Variants in GSG1L observed in about 807,000 individuals in gnomAD.
GSG1L encodes GSG1 like.
Under a neutral mutation model 42.1 loss-of-function variants are expected in GSG1L, and 24 were observed. The ratio of observed to expected loss-of-function variants is 0.57; its 90% CI spans 0.41 to 0.80. GSG1L has a LOEUF of 0.80. Among genes scored for constraint, GSG1L ranks in the 30% least tolerant of loss-of-function variants. GSG1L has a pLI of 0.00. For synonymous variants in GSG1L, 215 were observed against 203.5 expected, an observed-to-expected ratio of 1.06 and a Z score of -0.48; for missense variants, 445 against 472.2, an observed-to-expected ratio of 0.94 and a Z score of 0.53.
At chr16:27,911,646 G>C (rs761178183) in intron 2 of GSG1L, among the ~76,000 whole-genome samples, 3 of 152,060 alleles carry the variant, frequency 2.0e-5, no homozygotes, top group Non-Finnish European at 2.9e-5. Flanking sequence ...TGCACCTGCT[G>C]TTCTGCTGTT....
Position 28,008,655 on chromosome 16 carries a change from G to C in GSG1L, c.350-45452C>G, listed in dbSNP as rs1170773127. Among the ~76,000 whole-genome samples the C allele has an allele frequency of 2.0e-5, 3 of 152,096 alleles. No individual in the cohort carries two copies. In the East Asian group the frequency reaches 5.8e-4, roughly 29 times the overall value. ...ATCACCTCCCTTCCTGCCCACCAAG[G>C]ACTTCTCATCACACTTAGAATGAAA... On this transcript the variant is annotated intron_variant, in intron 1 of 6. Coordinates refer to ENST00000447459, the MANE Select transcript of GSG1L (RefSeq NM_001109763.2).
At chr16:27,947,340 GAAGA>G (rs1030342982) in intron 2 of GSG1L, among the ~76,000 whole-genome samples, 1 of 143,612 alleles carries the variant, frequency 7.0e-6, no homozygotes. Context: ...GAAAAAAGGA[GAAGA>G]AAGAAGAAGA....
chr16:27,975,804 A>G (rs2085244322), intron 1 of GSG1L, among the ~76,000 whole-genome samples: 1 of 152,232 alleles, frequency 6.6e-6, no homozygotes, highest in Non-Finnish European at 1.5e-5. Flanking sequence ...TCCCATCAAC[A>G]TTTATTGAGC....
rs2084278813 is a variant in GSG1L at position 27,902,952 on chromosome 16, A to C, written c.398-18314T>G. Among the ~76,000 whole-genome samples the C allele has an allele frequency of 5.3e-5, 8 of 152,124 alleles. No homozygotes were observed. The South Asian group carries it at 1.7e-3, about 32-fold the overall frequency. ...CAGCTGGGAGGTGGCAGTGGAAGGC[A>C]GCTTTCAGTATGAACCACAGAGACA... On this transcript the variant is annotated intron_variant, in intron 2 of 6. Coordinates refer to ENST00000447459, the MANE Select transcript of GSG1L (RefSeq NM_001109763.2).
At chr16:27,970,248 C>T (rs751436900) in intron 1 of GSG1L, among the ~76,000 whole-genome samples, 1 of 151,304 alleles carries the variant, frequency 6.6e-6, no homozygotes, top group Non-Finnish European at 1.5e-5. Flanking sequence ...GTTGCTTGTG[C>T]TTTTGTTGTC....
intron 1 of GSG1L, among the ~76,000 whole-genome samples, chr16:28,043,321 C>A (rs142811002): frequency 3.4e-4 from 52 of 152,316 alleles, no homozygotes; most frequent in African/African-American, 1.2e-3. Context: ...GCTGGTCTAG[C>A]AGAGCTTTGA....
At chr16:27,987,402 A>G (rs1198045202) in intron 1 of GSG1L, among the ~76,000 whole-genome samples, 1 of 152,068 alleles carries the variant, frequency 6.6e-6, no homozygotes, top group Non-Finnish European at 1.5e-5. Flanking sequence ...TAAGTCTTGG[A>G]GCCATTCGAT....
At chr16:28,050,594 C>T (rs1432105249) in intron 1 of GSG1L, among the ~76,000 whole-genome samples, 1 of 152,214 alleles carries the variant, frequency 6.6e-6, no homozygotes, top group Non-Finnish European at 1.5e-5. Context: ...ACAACTCGGC[C>T]AGCAGGTAAG....
At chr16:28,013,409 G>A (rs998576193) in intron 1 of GSG1L, among the ~76,000 whole-genome samples, 2 of 151,768 alleles carry the variant, frequency 1.3e-5, no homozygotes, top group Non-Finnish European at 2.9e-5. Context: ...CCTGCCACAG[G>A]AAGAGAATCT....
At chr16:27,916,934 A>G (rs2084464490) in intron 2 of GSG1L, among the ~76,000 whole-genome samples, 1 of 152,112 alleles carries the variant, frequency 6.6e-6, no homozygotes, top group African/African-American at 2.4e-5. Flanking sequence ...TGTCCAGGCA[A>G]GATGTCTATG....
At chr16:27,796,923 G>A (rs1347602572) in intron 6 of GSG1L, among the ~76,000 whole-genome samples, 2 of 152,172 alleles carry the variant, frequency 1.3e-5, no homozygotes, top group East Asian at 3.8e-4. Flanking sequence ...TGAGTGAGAT[G>A]CGGCCCTCCC....
intron 2 of GSG1L, among the ~76,000 whole-genome samples, chr16:27,923,792 C>G (rs2084559033): frequency 6.7e-6 from 1 of 148,246 alleles, no homozygotes; most frequent in African/African-American, 2.5e-5. Flanking sequence ...GAAAGAAAGA[C>G]AGAGAGAGAG....
At chr16:27,947,384 A>AAGAAAGAAAGAAAGAAAGAAAGAAAG (rs373703555) in intron 2 of GSG1L, among the ~76,000 whole-genome samples, 2 of 130,678 alleles carry the variant, frequency 1.5e-5, no homozygotes, top group African/African-American at 5.8e-5. Context: ...GAAAGAAAGA[A>AAGAAAGAAAGAAAGAAAGAAAGAAAG]AAAGAAAGAA....
chr16:27,983,338 A>T (rs1171311874), intron 1 of GSG1L, among the ~76,000 whole-genome samples: 1 of 152,096 alleles, frequency 6.6e-6, no homozygotes, highest in Non-Finnish European at 1.5e-5. Context: ...CTGTCTCAAA[A>T]AAATAATAAT....
chr16:27,897,639 C>A (rs1278944663), intron 2 of GSG1L, among the ~76,000 whole-genome samples: 4 of 152,184 alleles, frequency 2.6e-5, no homozygotes, highest in African/African-American at 9.6e-5. Flanking sequence ...CTCCCCGAAC[C>A]ACCCTAGCCC....
Position 28,018,917 on chromosome 16 carries a change from A to G in GSG1L, c.349+44159T>C, listed in dbSNP as rs562799524. ...CAGAGTGAAACACTTCATGATGCCA[A>G]TCAGTGGACAATTCTCAGATGAAGG... On this transcript the variant is annotated intron_variant, in intron 1 of 6. Coordinates refer to ENST00000447459, the MANE Select transcript of GSG1L (RefSeq NM_001109763.2). 4.6e-5 allele frequency among the ~76,000 whole-genome samples: 7 copies of G among 152,212 alleles called. 1 individual carries two copies. The highest frequency in any genetic ancestry group is 7.2e-5 in the African/African-American group (3 of 41,524).
At chr16:27,823,343 GCA>G (rs147225675) in intron 5 of GSG1L, among the ~76,000 whole-genome samples, 1 of 151,890 alleles carries the variant, frequency 6.6e-6, no homozygotes, top group Admixed American at 6.6e-5. Flanking sequence ...ACACAGACGC[GCA>G]CACACACACA....
intron 1 of GSG1L, among the ~76,000 whole-genome samples, chr16:27,987,714 C>T (rs1243760788): frequency 6.6e-6 from 1 of 151,984 alleles, no homozygotes; most frequent in Non-Finnish European, 1.5e-5. Context: ...TTTGGGAGGC[C>T]GAGGCGGGCG....
At chr16:27,980,926 G>GAA (rs1018010842) in intron 1 of GSG1L, among the ~76,000 whole-genome samples, 1 of 147,610 alleles carries the variant, frequency 6.8e-6, no homozygotes, top group South Asian at 2.2e-4. Context: ...AAGAAAGAAA[G>GAA]AAAAAAAGAA....
Sources: allele counts gnomAD v4.1 joint callset (sites outside exome capture counted in the v4.1 genomes callset), GRCh38; gene constraint gnomAD v4.1.1; transcripts MANE v1.5; gene names NCBI Gene and HGNC (gene_info 2026-07-23, HGNC 2026-07-21).